SEL1L3: variants seen among roughly 807,000 people sequenced by gnomAD.
The protein encoded by SEL1L3 is protein sel-1 homolog 3.
Under a neutral mutation model 142.8 loss-of-function variants are expected in SEL1L3, and 76 were observed. The observed-to-expected ratio is 0.53, with a 90% CI of 0.44 to 0.64. SEL1L3 has a LOEUF of 0.64. Among genes scored for constraint, SEL1L3 ranks in the 30% least tolerant of loss-of-function variants. The pLI is 0.00. For synonymous variants in SEL1L3, 504 were observed against 519.6 expected (o/e 0.97, Z 0.41); for missense variants, 1,262 against 1,381.7 (o/e 0.91, Z 1.37).
chr4:25,788,106 G>C lies in SEL1L3; in HGVS notation c.2217+118C>G. 2 of 916,250 alleles carry C rather than the reference G, an allele frequency of 2.2e-6. No individual in the cohort carries two copies. 56.8% of individuals were successfully genotyped at this position (916,250 alleles called of 1,614,324 possible). A position where few individuals can be genotyped will look rare whatever the true frequency, so the allele number is the denominator to read the frequency against. The stretch of plus-strand genomic sequence containing the variant: ...ACATTCTTTTCCATCAAGAGTGACA[G>C]AAGCATATACTAAATTTCTTCAGTT... On this transcript the variant is annotated intron_variant, in intron 13 of 23. Transcript: ENST00000399878. This position sits in a 1 kb window ranked among gnomAD's most constrained non-coding sequence, Gnocchi z 5.3.
rs371746354 is a variant in SEL1L3 at position 25,782,432 on chromosome 4, C to G, written c.2281-14G>C. On this transcript the variant is annotated splice_polypyrimidine_tract_variant and intron_variant, in intron 14 of 23. Transcript: ENST00000399878. ...CTGATGCAATCCCTGAATTTTGGAA[C>G]AAGAAAGAAATTAACTTTAGAAAAA... 2.5e-6 allele frequency: 4 copies of G among 1,606,732 alleles called. No individual in the cohort carries two copies. Among genetic ancestry groups the G allele is most frequent in the Non-Finnish European group, 3.4e-6 (4 of 1,176,868 alleles).
At chr4:25,730,794 C>T in the SEL1L3 span, among the ~76,000 whole-genome samples, 2 of 152,038 alleles carry the variant, frequency 1.3e-5, no homozygotes, top group African/African-American at 4.8e-5. Context: ...TTTGGGAGGC[C>T]GAGGTGGGCA....
intron 11 of SEL1L3, among the ~76,000 whole-genome samples, chr4:25,794,333 A>C (rs1320120021): frequency 1.3e-5 from 2 of 152,238 alleles, no homozygotes; most frequent in Admixed American, 1.3e-4. Context: ...ACAAGAAAAA[A>C]AACCAAACAA....
chr4:25,856,423 A>G (rs926915145), intron 1 of SEL1L3, among the ~76,000 whole-genome samples: 2 of 152,162 alleles, frequency 1.3e-5, no homozygotes, highest in Middle Eastern at 3.2e-3. Context: ...CTTGAAAGCA[A>G]CATACTGATC....
rs73810133 is a variant in SEL1L3, at chr4:25,831,022, T to C, written c.1099-866A>G. Among the ~76,000 whole-genome samples the C allele has an allele frequency of 6.5e-3, 983 of 152,246 alleles. 10 individuals carry two copies. Among genetic ancestry groups the C allele is most frequent in the African/African-American group, 0.023 (942 of 41,554 alleles). On this transcript the variant is annotated intron_variant, in intron 5 of 23. Transcript: ENST00000399878. ...CCTGTATATATTAGACCAGATAGAA[T>C]AGAAAGAAGAAGGACAAATGGGCTA...
upstream of SEL1L3, chr4:25,862,994 TCCCGCCGTCGCCGCC>T: frequency 3.6e-6 from 1 of 281,324 alleles, no homozygotes; most frequent in Non-Finnish European, 4.8e-6. Flanking sequence ...CCACTGCCGC[TCCCGCCGTCGCCGCC>T]CCCGCAGCCC....
downstream of SEL1L3, among the ~76,000 whole-genome samples, chr4:25,744,580 C>T (rs1238121209): frequency 6.6e-5 from 10 of 152,138 alleles, no homozygotes; most frequent in Admixed American, 5.2e-4. Flanking sequence ...TCTCAAATTC[C>T]TGACCTCAAG....
chr4:25,723,529 T>TG, the SEL1L3 span, among the ~76,000 whole-genome samples: 2 of 152,202 alleles, frequency 1.3e-5, no homozygotes, highest in African/African-American at 2.4e-5. Context: ...CAACTTGCAG[T>TG]GGTATTATAA....
At position 25,809,822 on chromosome 4, in the gene SEL1L3, T is replaced by C. The variant is rs538847782; in HGVS notation, c.1565-5070A>G. On this transcript the variant is annotated intron_variant, in intron 9 of 23. Transcript: ENST00000399878. The stretch of plus-strand genomic sequence containing the variant: ...TTCAACAAACAGGGAACACAGCTCT[T>C]AAAAGGAAACAGTATCCCGATGTTA... 3.9e-5 allele frequency among the ~76,000 whole-genome samples: 6 copies of C among 152,358 alleles called. 1 individual carries two copies. The highest frequency in any genetic ancestry group is 3.3e-4 in the Admixed American group (5 of 15,306).
the SEL1L3 span, among the ~76,000 whole-genome samples, chr4:25,727,476 A>G: frequency 6.6e-6 from 1 of 152,130 alleles, no homozygotes; most frequent in Non-Finnish European, 1.5e-5. Context: ...TGAAATGTTA[A>G]TCGACATTAT....
chr4:25,850,049 C>T (rs1716782453), intron 1 of SEL1L3, among the ~76,000 whole-genome samples: 1 of 152,130 alleles, frequency 6.6e-6, no homozygotes, highest in Non-Finnish European at 1.5e-5. Flanking sequence ...GGGGTGTGAA[C>T]AGCATAAGCC....
At chr4:25,842,718 C>T (rs562422352) in intron 2 of SEL1L3, among the ~76,000 whole-genome samples, 1 of 152,356 alleles carries the variant, frequency 6.6e-6, no homozygotes, top group South Asian at 2.1e-4. Flanking sequence ...TAAGAGCATT[C>T]ATTCAATCAA....
At chr4:25,779,270 T>A in intron 15 of SEL1L3, 67 bp from the exon 16 acceptor site, 1 of 1,573,178 alleles carries the variant, frequency 6.4e-7, no homozygotes, top group Non-Finnish European at 8.7e-7. Context: ...GACAAGGTGA[T>A]GAGATGCTTT....
chr4:25,770,729 G>A (rs1407906535), intron 17 of SEL1L3, among the ~76,000 whole-genome samples: 1 of 113,922 alleles, frequency 8.8e-6, no homozygotes. Flanking sequence ...AACAGAGTGA[G>A]ACTCTGTCTC....
chr4:25,720,513 G>A, the SEL1L3 span: 1 of 152,130 alleles, frequency 6.6e-6, no homozygotes, highest in African/African-American at 2.4e-5. Flanking sequence ...TAAAAGAGTA[G>A]GATCCTCATC....
At chr4:25,807,382 G>C (rs930725702) in intron 9 of SEL1L3, among the ~76,000 whole-genome samples, 8 of 152,108 alleles carry the variant, frequency 5.3e-5, no homozygotes, top group Non-Finnish European at 1.2e-4. Context: ...TTTTCCCTTT[G>C]CATAGTTAAG....
intron 8 of SEL1L3, among the ~76,000 whole-genome samples, chr4:25,819,508 A>G (rs986357292): frequency 5.9e-5 from 9 of 152,222 alleles, no homozygotes; most frequent in African/African-American, 2.2e-4. Flanking sequence ...TATGGTTGGG[A>G]ATAACGCCAT....
the SEL1L3 span, chr4:25,718,070 A>G: frequency 7.2e-5 from 11 of 152,180 alleles, no homozygotes; most frequent in African/African-American, 2.7e-4. Flanking sequence ...TGGTTGAACT[A>G]TAGCTACAGC....
intron 9 of SEL1L3, 77 bp downstream of exon 9, chr4:25,818,061 A>G (rs1714505783): frequency 4.8e-6 from 7 of 1,461,160 alleles, no homozygotes; most frequent in Admixed American, 2.3e-5. Flanking sequence ...ATAAATCACC[A>G]AAGAGGGTGA....
Sources: allele counts gnomAD v4.1 joint callset (sites outside exome capture counted in the v4.1 genomes callset), GRCh38; gene constraint gnomAD v4.1.1; non-coding constraint Gnocchi (gnomAD v3.1); transcripts MANE v1.5; gene names NCBI Gene and HGNC (gene_info 2026-07-23, HGNC 2026-07-21).